EYS: variants seen among roughly 807,000 people sequenced by gnomAD.
EYS encodes protein eyes shut homolog.
A neutral mutation model predicts 282.1 loss-of-function variants in EYS; 250 were observed. The observed-to-expected ratio is 0.89, with a 90% CI of 0.80 to 0.98. The LOEUF is 0.98. Ranked by LOEUF, EYS falls within the 50% of genes least tolerant of loss-of-function variation. The probability of loss-of-function intolerance (pLI) is 0.00; values close to 1 mark genes in which losing one functional copy is unlikely to be tolerated. For synonymous variants in EYS, 1,355 were observed against 1,282.9 expected (o/e 1.06, Z -1.20); for missense variants, 4,016 against 3,709.0 (o/e 1.08, Z -2.15).
At chr6:64,489,752 C>G (rs1175689207) in intron 26 of EYS, among the ~76,000 whole-genome samples, 1 of 150,474 alleles carries the variant, frequency 6.6e-6, no homozygotes, top group African/African-American at 2.4e-5. Flanking sequence ...CGTACTTCAT[C>G]AAAAGGCATA....
At chr6:64,127,610 ATTGCTTCTATTGAAAATGTAATTC>A (rs1773827068) in intron 31 of EYS, among the ~76,000 whole-genome samples, 1 of 152,152 alleles carries the variant, frequency 6.6e-6, no homozygotes, top group Non-Finnish European at 1.5e-5. Context: ...ATGTAAAGTA[ATTGCTTCTATTGAAAATGTAATTC>A]ACAAGCTTTT....
intron 22 of EYS, among the ~76,000 whole-genome samples, chr6:64,769,150 A>G (rs1773448179): frequency 6.6e-6 from 1 of 152,146 alleles, no homozygotes; most frequent in Non-Finnish European, 1.5e-5. Context: ...TGGGACAGCA[A>G]CTAAAGAAGG....
Position 65,365,919 on chromosome 6 carries a change from C to T in EYS, c.1300-12302G>A, listed in dbSNP as rs926189414. On this transcript the variant is annotated intron_variant, in intron 8 of 42. Transcript: ENST00000503581. ...TTTTTTAAATCAGTGTTTCTGTTGA[C>T]TTTTGAGTACAAGGTGAAAACATGA... Among the ~76,000 whole-genome samples, 12 of 151,640 alleles carry T rather than the reference C, an allele frequency of 7.9e-5. 1 individual carries two copies. The highest frequency in any genetic ancestry group is 7.4e-4 in the Admixed American group (11 of 14,934).
At chr6:64,994,375 G>T (rs575691656) in intron 14 of EYS, among the ~76,000 whole-genome samples, 1 of 151,980 alleles carries the variant, frequency 6.6e-6, no homozygotes, top group South Asian at 2.1e-4. Flanking sequence ...AAAAGAAAAT[G>T]CTGTAAATAT....
intron 8 of EYS, among the ~76,000 whole-genome samples, chr6:65,381,451 C>T (rs1356065969): frequency 6.6e-6 from 1 of 151,910 alleles, no homozygotes; most frequent in East Asian, 1.9e-4. Flanking sequence ...AAATATCACA[C>T]ACCGAGGCCT....
At chr6:64,212,663 G>A (rs1765815117) in intron 31 of EYS, among the ~76,000 whole-genome samples, 1 of 152,068 alleles carries the variant, frequency 6.6e-6, no homozygotes, top group South Asian at 2.1e-4. Context: ...CTGTTGGTGG[G>A]AGTGTAAATT....
At chr6:65,615,714 C>G (rs1766168106) in intron 2 of EYS, among the ~76,000 whole-genome samples, 1 of 152,086 alleles carries the variant, frequency 6.6e-6, no homozygotes, top group South Asian at 2.1e-4. Flanking sequence ...GCGGGCAGAT[C>G]ATGAGGTCAG....
chr6:65,571,573 T>C (rs1156925724), intron 2 of EYS, among the ~76,000 whole-genome samples: 3 of 152,074 alleles, frequency 2.0e-5, no homozygotes, highest in African/African-American at 4.8e-5. Context: ...GTGTATATTT[T>C]ATTTTGGGAT....
chr6:64,318,071 T>C (rs1200017988), intron 29 of EYS, among the ~76,000 whole-genome samples: 1 of 152,138 alleles, frequency 6.6e-6, no homozygotes, highest in East Asian at 1.9e-4. Context: ...GAGAAATATC[T>C]AAAGTTGATG....
chr6:63,868,825 C>A (rs1772730907), intron 35 of EYS, among the ~76,000 whole-genome samples: 1 of 152,188 alleles, frequency 6.6e-6, no homozygotes, highest in South Asian at 2.1e-4. Flanking sequence ...ATTGGAATTT[C>A]TGTCAAATGA....
At chr6:65,409,071 A>C (rs1349386835) in intron 5 of EYS, among the ~76,000 whole-genome samples, 1 of 152,162 alleles carries the variant, frequency 6.6e-6, no homozygotes, top group Non-Finnish European at 1.5e-5. Context: ...TGAGGAACAT[A>C]TATGATATGA....
At chr6:64,844,720 C>G (rs896879967) in intron 19 of EYS, among the ~76,000 whole-genome samples, 1 of 152,150 alleles carries the variant, frequency 6.6e-6, no homozygotes, top group East Asian at 1.9e-4. Flanking sequence ...GAGTAGAGTT[C>G]CTGTTCCAAC....
intron 11 of EYS, among the ~76,000 whole-genome samples, chr6:65,314,561 G>GGGGTGT (rs1769248372): frequency 9.4e-6 from 1 of 106,340 alleles, no homozygotes; most frequent in African/African-American, 3.8e-5. Flanking sequence ...TTCCCCTTAT[G>GGGGTGT]GTGTGTGTGT....
chr6:64,756,342 A>G (rs1218927202), intron 22 of EYS, among the ~76,000 whole-genome samples: 1 of 152,144 alleles, frequency 6.6e-6, no homozygotes, highest in Non-Finnish European at 1.5e-5. Context: ...GTAGGCATCT[A>G]CTCATTTTCA....
intron 33 of EYS, among the ~76,000 whole-genome samples, chr6:64,031,454 G>T (rs944221533): frequency 6.6e-6 from 1 of 152,146 alleles, no homozygotes; most frequent in Non-Finnish European, 1.5e-5. Context: ...GATCAGGATC[G>T]CCCCCTGCTT....
At chr6:64,322,150 C>T (rs1183238470) in intron 29 of EYS, among the ~76,000 whole-genome samples, 1 of 151,916 alleles carries the variant, frequency 6.6e-6, no homozygotes, top group Non-Finnish European at 1.5e-5. Context: ...TGTTCATTGA[C>T]AAAGAAAGTC....
intron 12 of EYS, among the ~76,000 whole-genome samples, chr6:65,103,658 A>G (rs1316380561): frequency 5.3e-5 from 8 of 151,518 alleles, no homozygotes; most frequent in Admixed American, 4.0e-4. Flanking sequence ...TGACCCACAA[A>G]GTTCACTGCT....
chr6:63,965,549 T>G (rs1562121023), intron 35 of EYS, among the ~76,000 whole-genome samples: 1 of 152,310 alleles, frequency 6.6e-6, no homozygotes, highest in East Asian at 1.9e-4. Context: ...CTTTCTCTTG[T>G]AAGAGTCATC....
chr6:64,418,495 G>C (rs749473699), intron 28 of EYS, among the ~76,000 whole-genome samples: 3 of 152,072 alleles, frequency 2.0e-5, no homozygotes, highest in African/African-American at 7.2e-5. Context: ...GGCAAAATAG[G>C]TCTATTTCAC....
Sources: allele counts gnomAD v4.1 joint callset (sites outside exome capture counted in the v4.1 genomes callset), GRCh38; gene constraint gnomAD v4.1.1; transcripts MANE v1.5; gene names NCBI Gene and HGNC (gene_info 2026-07-23, HGNC 2026-07-21).